Variants in RFTN2 observed in about 807,000 individuals in gnomAD.
RFTN2 encodes raftlin-2.
A neutral mutation model predicts 52.7 loss-of-function variants in RFTN2; 34 were observed. That is an observed-to-expected ratio of 0.64 (90% CI 0.49 to 0.86). The LOEUF (loss-of-function observed/expected upper bound fraction) is 0.86, where lower values mean the gene tolerates loss of function less well. RFTN2 is among the 40% of genes least tolerant of loss of function. RFTN2 has a pLI of 0.00. For missense variants in RFTN2, 536 were observed against 600.1 expected (o/e 0.89, Z 1.12); for synonymous variants, 203 against 217.7 (o/e 0.93, Z 0.59).
intron 3 of RFTN2, among the ~76,000 whole-genome samples, chr2:197,635,301 G>GT (rs772599045): frequency 0.012 from 1,801 of 152,222 alleles, 22 homozygotes; most frequent in Middle Eastern, 0.031. Flanking sequence ...AGATCCCTGA[G>GT]GAGTCACCAC....
At chr2:197,668,348 C>G (rs1268324070) in intron 1 of RFTN2, among the ~76,000 whole-genome samples, 1 of 152,124 alleles carries the variant, frequency 6.6e-6, no homozygotes, top group Admixed American at 6.5e-5. Flanking sequence ...CCCAGGCCAG[C>G]AGTGGAATGT....
chr2:197,661,692 T>C (rs1559367687), intron 1 of RFTN2, among the ~76,000 whole-genome samples: 1 of 152,184 alleles, frequency 6.6e-6, no homozygotes, highest in Non-Finnish European at 1.5e-5. Context: ...GTTCTATTTT[T>C]AGTTTTTTGA....
At chr2:197,616,309 A>ATTTTATTTT (rs1553601950) in intron 6 of RFTN2, among the ~76,000 whole-genome samples, 2 of 125,032 alleles carry the variant, frequency 1.6e-5, no homozygotes, top group Admixed American at 8.2e-5. Flanking sequence ...ATTTTATTTT[A>ATTTTATTTT]AAGAGAGGGT....
In RFTN2 at chr2:197,572,147, C is replaced by T. The variant is rs113654413; in HGVS notation, c.1367G>A (p.Arg456Gln). 1.8e-5 allele frequency: 29 copies of T among 1,614,096 alleles called. No individual in the cohort carries two copies. Among genetic ancestry groups the T allele is most frequent in the Admixed American group, 6.7e-5 (4 of 60,006 alleles). Reference sequence around the variant, plus strand: ...CCTTCCCTCCTTTGTCCAGCATTCCCGGGAGGGAGAAAGGCGGCACTCCTC... The same window carrying T: ...CCTTCCCTCCTTTGTCCAGCATTCCTGGGAGGGAGAAAGGCGGCACTCCTC... The part of the protein sequence containing the change: ...LPEECRLSPS[R>Q]ECWTKEGRLA... The change falls in exon 9 of 9, where the codon CGG becomes CAG. Residue 456 changes from arginine to glutamine, a missense_variant. Arg to Gln is a conservative substitution (Grantham distance 43, BLOSUM62 1). Coordinates refer to ENST00000295049, the MANE Select transcript of RFTN2 (RefSeq NM_144629.3).
Position 197,571,993 on chromosome 2 carries a change from G to C in RFTN2, c.*15C>G, listed in dbSNP as rs373671386. Reference sequence around the variant, plus strand: ...ACAATTATTTACAGGGCCTTCCTTTGCTTCACCTCATGGCTCACATACAAG... The same window carrying C: ...ACAATTATTTACAGGGCCTTCCTTTCCTTCACCTCATGGCTCACATACAAG... On this transcript the variant is annotated 3_prime_UTR_variant, in exon 9 of 9. Coordinates refer to ENST00000295049, the MANE Select transcript of RFTN2 (RefSeq NM_144629.3). 6 of 1,608,408 alleles carry C rather than the reference G, an allele frequency of 3.7e-6. No individual in the cohort carries two copies. In the African/African-American group the frequency reaches 6.7e-5, roughly 18 times the overall value.
intron 7 of RFTN2, among the ~76,000 whole-genome samples, chr2:197,613,243 A>G (rs964766563): frequency 2.6e-5 from 4 of 152,214 alleles, no homozygotes; most frequent in African/African-American, 9.6e-5. Context: ...GCGTCCCAAA[A>G]CATTAGCCCT....
At chr2:197,573,176 TG>T (rs2087347792) in intron 8 of RFTN2, among the ~76,000 whole-genome samples, 1 of 152,040 alleles carries the variant, frequency 6.6e-6, no homozygotes, top group African/African-American at 2.4e-5. Flanking sequence ...ATGCAGAGGT[TG>T]GAACAGTTTG....
intron 8 of RFTN2, among the ~76,000 whole-genome samples, chr2:197,585,071 T>C (rs1330579902): frequency 1.3e-5 from 2 of 152,198 alleles, no homozygotes; most frequent in African/African-American, 4.8e-5. Context: ...GCTGTGTCCG[T>C]TGGACAGCCA....
intron 2 of RFTN2, 71 bp from the exon 3 acceptor site, chr2:197,644,343 AT>A (rs2088718214): frequency 9.9e-6 from 8 of 805,450 alleles, no homozygotes; most frequent in Middle Eastern, 4.6e-4. Context: ...TCATGTGAAA[AT>A]GAGTGAGCAA....
intron 5 of RFTN2, among the ~76,000 whole-genome samples, chr2:197,622,505 C>T (rs1166601503): frequency 1.3e-5 from 2 of 152,120 alleles, no homozygotes; most frequent in African/African-American, 4.8e-5. Context: ...GGGGTTTCAC[C>T]ATTTTAGCCA....
chr2:197,671,406 A>G (rs1277231587), intron 1 of RFTN2, among the ~76,000 whole-genome samples: 1 of 152,142 alleles, frequency 6.6e-6, no homozygotes, highest in Admixed American at 6.5e-5. Flanking sequence ...GTAGCACACT[A>G]TTTCCTCCAC....
At chr2:197,605,259 T>G (rs1410139996) in intron 7 of RFTN2, among the ~76,000 whole-genome samples, 1 of 151,782 alleles carries the variant, frequency 6.6e-6, no homozygotes, top group Admixed American at 6.6e-5. Flanking sequence ...GGCTCTGTCT[T>G]CCCAGGCTAG....
intron 8 of RFTN2, among the ~76,000 whole-genome samples, chr2:197,578,785 C>T (rs569945291): frequency 2.6e-5 from 4 of 152,294 alleles, no homozygotes; most frequent in African/African-American, 4.8e-5. Context: ...CATTTGGTGC[C>T]GTGATTCGGA....
chr2:197,593,071 G>A (rs1178203374), intron 8 of RFTN2, among the ~76,000 whole-genome samples: 4 of 152,168 alleles, frequency 2.6e-5, no homozygotes, highest in East Asian at 1.9e-4. Flanking sequence ...TGGTAAATCC[G>A]TTTAGAAGAG....
At chr2:197,640,262 C>A (rs561335500) in intron 3 of RFTN2, among the ~76,000 whole-genome samples, 64 of 152,228 alleles carry the variant, frequency 4.2e-4, no homozygotes, top group Middle Eastern at 3.4e-3. Flanking sequence ...GTGGGCTCCA[C>A]CCAGTTGGAG....
At chr2:197,627,125 AAC>A (rs1275459691) in intron 5 of RFTN2, among the ~76,000 whole-genome samples, 1 of 152,154 alleles carries the variant, frequency 6.6e-6, no homozygotes, top group African/African-American at 2.4e-5. Context: ...TTGCTCCAGA[AAC>A]ACAGACCTTT....
chr2:197,633,456 A>G (rs969173455), intron 4 of RFTN2, among the ~76,000 whole-genome samples: 1 of 152,182 alleles, frequency 6.6e-6, no homozygotes, highest in Non-Finnish European at 1.5e-5. Flanking sequence ...GGAGTTTTGG[A>G]TGACTAAATA....
chr2:197,636,835 C>T lies in RFTN2; in HGVS notation c.439-2838G>A, dbSNP rs1171928755. On this transcript the variant is annotated intron_variant, in intron 3 of 8. Transcript: ENST00000295049. ...CTTGTGCCAGTTTTCAAAGGGAATG[C>T]TTCCAGTTTTTGCCCATTTAGTATG... is the stretch of plus-strand genomic sequence containing the variant. Among the ~76,000 whole-genome samples, 560 of 149,276 alleles carry T rather than the reference C, an allele frequency of 3.8e-3. 6 individuals carry two copies. The highest frequency in any genetic ancestry group is 0.013 in the African/African-American group (543 of 40,956).
At chr2:197,657,042 T>C (rs1011234362) in intron 1 of RFTN2, among the ~76,000 whole-genome samples, 1 of 152,032 alleles carries the variant, frequency 6.6e-6, no homozygotes, top group Non-Finnish European at 1.5e-5. Context: ...AAAAATTTTT[T>C]TTGGTAGAGA....
Sources: gnomAD v4.1 joint callset for allele counts (sites outside exome capture counted in the v4.1 genomes callset) on GRCh38, gnomAD v4.1.1 for gene constraint, MANE v1.5 for transcripts, NCBI Gene and HGNC (gene_info 2026-07-23, HGNC 2026-07-21) for gene names.